The following RASSF5 variants were observed in gnomAD, a reference collection of about 807,000 sequenced individuals.
The protein encoded by RASSF5 is ras association domain-containing protein 5.
A neutral mutation model predicts 40.5 loss-of-function variants in RASSF5; 25 were observed. That is an observed-to-expected ratio of 0.62 (90% confidence interval 0.45 to 0.86). The LOEUF (loss-of-function observed/expected upper bound fraction) is 0.86. Ranked by LOEUF, RASSF5 falls within the 40% of genes least tolerant of loss-of-function variation. RASSF5 has a pLI of 0.00. For synonymous variants in RASSF5, 246 were observed against 252.4 expected, an observed-to-expected ratio of 0.97 and a Z score of 0.24; for missense variants, 521 against 572.8, an observed-to-expected ratio of 0.91 and a Z score of 0.92.
chr1:206,530,521 C>T (rs958212839), intron 1 of RASSF5, among the ~76,000 whole-genome samples: 2 of 152,190 alleles, frequency 1.3e-5, no homozygotes, highest in East Asian at 3.8e-4. Flanking sequence ...TAAATTCCTG[C>T]AGGAAATTGA....
intron 1 of RASSF5, chr1:206,528,804 G>C (rs1175410780): frequency 2.7e-6 from 1 of 373,138 alleles, no homozygotes; most frequent in Non-Finnish European, 4.7e-6. Context: ...TTGGGAGACT[G>C]AGGCAGGGAG....
intron 1 of RASSF5, among the ~76,000 whole-genome samples, chr1:206,537,592 A>G (rs1203621999): frequency 6.6e-6 from 1 of 152,208 alleles, no homozygotes; most frequent in East Asian, 1.9e-4. Context: ...GGGAATATGT[A>G]TGATACCAGT....
In RASSF5 at chr1:206,587,347, C is replaced by T. The variant is rs1327887200; in HGVS notation, c.*369C>T. 1.2e-5 allele frequency: 4 copies of T among 327,004 alleles called. No individual in the cohort carries two copies. The highest frequency in any genetic ancestry group is 2.5e-5 in the South Asian group (1 of 39,584). 20.3% of individuals were successfully genotyped at this position (327,004 alleles called of 1,614,324 possible). On this transcript the variant is annotated 3_prime_UTR_variant, in exon 6 of 6. Transcript: ENST00000579436. ...AAGGTTTTAGAGCTGTGTGTTCTTT[C>T]TCTGGCATTGATTCCTCTTTGAGTT...
rs79017047 is a variant in RASSF5, at chr1:206,538,281, G to A, written c.567G>A (p.Val189=). 0.025 allele frequency: 40,902 copies of A among 1,613,784 alleles called. 619 individuals carry two copies. Among genetic ancestry groups the A allele is most frequent in the Admixed American group, 0.038 (2,305 of 60,018 alleles). The change falls in exon 2 of 6, where the codon GTG becomes GTA. Residue 189 remains valine, a synonymous_variant. Coordinates refer to ENST00000579436, the MANE Select transcript of RASSF5 (RefSeq NM_182663.4). ...CCTCTCCAGAAAGCACCCTCACCGT[G>A]ACCTTCAGCCAGGTAGGTGCCAAAG... ...DRPSPESTLT[V]TFSQNVCKPV... is the part of the protein sequence containing the mutation.
chr1:206,576,421 G>A (rs1220771130), intron 2 of RASSF5, among the ~76,000 whole-genome samples: 2 of 152,242 alleles, frequency 1.3e-5, no homozygotes, highest in Non-Finnish European at 2.9e-5. Context: ...CCTCATTGCA[G>A]AATGGAGTAA....
At chr1:206,527,492 G>T (rs1247599553) in intron 1 of RASSF5, among the ~76,000 whole-genome samples, 1 of 152,090 alleles carries the variant, frequency 6.6e-6, no homozygotes, top group Non-Finnish European at 1.5e-5. Flanking sequence ...TCCAAGTCTC[G>T]CAGATATGGT....
intron 2 of RASSF5, among the ~76,000 whole-genome samples, chr1:206,550,833 A>G (rs193133332): frequency 4.5e-4 from 68 of 152,292 alleles, no homozygotes; most frequent in African/African-American, 1.4e-3. Context: ...AGCATCTTAA[A>G]ATATGGTAAC....
intron 2 of RASSF5, among the ~76,000 whole-genome samples, chr1:206,581,926 G>A (rs961908787): frequency 2.0e-5 from 3 of 152,112 alleles, no homozygotes; most frequent in African/African-American, 4.8e-5. Flanking sequence ...GTGACGTCGC[G>A]GCAGCTGTGA....
chr1:206,583,423 C>T (rs375552947), intron 3 of RASSF5, 44 bp downstream of exon 3: 64 of 1,376,868 alleles, frequency 4.6e-5, no homozygotes, highest in African/African-American at 3.8e-4. Flanking sequence ...CTCCACCACC[C>T]GCTTCGGGTT....
chr1:206,544,337 A>T (rs1667621745), intron 2 of RASSF5: 1 of 152,154 alleles, frequency 6.6e-6, no homozygotes, highest in Non-Finnish European at 1.5e-5. Flanking sequence ...GTCTTGCTAG[A>T]TGTAGATTTT....
rs149777670 is a variant in RASSF5, at chr1:206,534,237, T to G, written c.458-3935T>G. Among the ~76,000 whole-genome samples the G allele has an allele frequency of 3.9e-3, 600 of 152,260 alleles. 2 individuals are homozygous for G. Among genetic ancestry groups the G allele is most frequent in the African/African-American group, 0.014 (564 of 41,538 alleles). ...TGTGGTTTGTCTCCTTCATTTCCCT[T>G]TACAGTTGCCTCCTTCTATATACTT... On this transcript the variant is annotated intron_variant, in intron 1 of 5. Coordinates refer to ENST00000579436, the MANE Select transcript of RASSF5 (RefSeq NM_182663.4).
chr1:206,523,680 TA>T lies in RASSF5; in HGVS notation c.458-14489del, dbSNP rs538123092. ...TAAAATATATAAAATATATTATATA[TA>T]AATATATTATATATAATATATTTAT... On this transcript the variant is annotated intron_variant, in intron 1 of 5. Transcript: ENST00000579436. 9.9e-3 allele frequency among the ~76,000 whole-genome samples: 938 copies of T among 94,458 alleles called. 12 individuals carry two copies. The highest frequency in any genetic ancestry group is 0.037 in the African/African-American group (826 of 22,270). The allele number at this position is 94,458 out of a possible 152,430, so 62.0% of individuals were successfully genotyped here.
chr1:206,551,635 A>C (rs1667843940), intron 2 of RASSF5, among the ~76,000 whole-genome samples: 1 of 152,210 alleles, frequency 6.6e-6, no homozygotes, highest in Non-Finnish European at 1.5e-5. Context: ...AAAAGGAGGC[A>C]CCTGAAGTCC....
chr1:206,512,013 T>A (rs1213127550), intron 1 of RASSF5, among the ~76,000 whole-genome samples: 8 of 152,216 alleles, frequency 5.3e-5, no homozygotes, highest in African/African-American at 1.9e-4. Flanking sequence ...CTGTATTTAT[T>A]TACCTTGGGC....
At chr1:206,544,070 A>G (rs1300374137) in intron 2 of RASSF5, 1 of 152,192 alleles carries the variant, frequency 6.6e-6, no homozygotes, top group Non-Finnish European at 1.5e-5. Flanking sequence ...ATATTATTAA[A>G]AGGCAGTAAA....
chr1:206,579,514 G>A lies in RASSF5; in HGVS notation c.580-3755G>A, dbSNP rs116313985. ...TCTCATGGCAGATAGTGCCTGTTAG[G>A]TAAACCTTTGGGGTGTTTGTGTGTT... On this transcript the variant is annotated intron_variant, in intron 2 of 5. Transcript: ENST00000579436. This position sits in a 1 kb window ranked among gnomAD's most constrained non-coding sequence, Gnocchi z 4.2. 0.012 allele frequency among the ~76,000 whole-genome samples: 1,796 copies of A among 152,296 alleles called. 40 individuals carry two copies. The highest frequency in any genetic ancestry group is 0.041 in the African/African-American group (1,710 of 41,554).
rs1189033073 is a variant in RASSF5 at position 206,579,190 on chromosome 1, G to C, written c.580-4079G>C. On this transcript the variant is annotated intron_variant, in intron 2 of 5. Transcript: ENST00000579436. This position sits in a 1 kb window ranked among gnomAD's most constrained non-coding sequence, Gnocchi z 4.2. ...TGCCCTGGACATGCCAAGTGCATTG[G>C]GAACAGCTCAGCCATCTGCCACCAA... is the stretch of plus-strand genomic sequence containing the variant. 1.7e-4 allele frequency among the ~76,000 whole-genome samples: 26 copies of C among 152,166 alleles called. No individual in the cohort carries two copies. The highest frequency in any genetic ancestry group is 6.0e-4 in the African/African-American group (25 of 41,414).
chr1:206,532,298 A>G (rs114939382), intron 1 of RASSF5, among the ~76,000 whole-genome samples: 1,918 of 152,252 alleles, frequency 0.013, 36 homozygotes, highest in African/African-American at 0.044. Flanking sequence ...CAGGGCTTCT[A>G]TGTAGTTCTT....
intron 2 of RASSF5, chr1:206,557,542 G>T (rs1668024544): frequency 6.2e-7 from 1 of 1,612,230 alleles, no homozygotes; most frequent in African/African-American, 1.3e-5. Context: ...CCCTTGATGC[G>T]CTGGCGGCCT....
Sources: gnomAD v4.1 joint callset for allele counts (sites outside exome capture counted in the v4.1 genomes callset) on GRCh38, gnomAD v4.1.1 for gene constraint, Gnocchi (gnomAD v3.1) non-coding constraint, MANE v1.5 for transcripts, NCBI Gene and HGNC (gene_info 2026-07-23, HGNC 2026-07-21) for gene names.